The following IQGAP1 variants were observed in gnomAD, a reference collection of about 807,000 sequenced individuals.
IQGAP1 encodes IQ motif containing GTPase activating protein 1, also known as ras GTPase-activating-like protein IQGAP1.
In IQGAP1, 66 loss-of-function variants were observed where a neutral mutation model predicts 215.6. The observed-to-expected ratio is 0.31, with a 90% CI of 0.25 to 0.38. The LOEUF (loss-of-function observed/expected upper bound fraction) is 0.38. IQGAP1 is among the 10% of genes least tolerant of loss of function. The pLI, the probability that IQGAP1 is intolerant of heterozygous loss-of-function variation, is 1.00. For missense variants in IQGAP1, 1,712 were observed against 1,997.1 expected (o/e 0.86, Z 2.72); for synonymous variants, 772 against 728.7 (o/e 1.06, Z -0.96).
At chr15:90,485,980 C>G in intron 30 of IQGAP1, 50 bp from the exon 31 acceptor site, 1 of 1,359,340 alleles carries the variant, frequency 7.4e-7, no homozygotes, top group Non-Finnish European at 1.0e-6. Context: ...TAGGGAGGGA[C>G]GGGCTGAAGA....
At chr15:90,469,851 T>G (rs1965881828) in intron 18 of IQGAP1, among the ~76,000 whole-genome samples, 1 of 152,136 alleles carries the variant, frequency 6.6e-6, no homozygotes, top group Non-Finnish European at 1.5e-5. Flanking sequence ...CACAGAGTAC[T>G]GAAAGGACAT....
chr15:90,489,125 CTTTT>C (rs58123122), intron 33 of IQGAP1, among the ~76,000 whole-genome samples: 5 of 136,184 alleles, frequency 3.7e-5, no homozygotes, highest in Non-Finnish European at 4.8e-5. Flanking sequence ...ACCCTTGTTT[CTTTT>C]TTTTTTTTTT....
At chr15:90,427,672 G>A (rs1166241625) in intron 3 of IQGAP1, among the ~76,000 whole-genome samples, 2 of 152,002 alleles carry the variant, frequency 1.3e-5, no homozygotes, top group African/African-American at 2.4e-5. Flanking sequence ...CCCAGGAGGC[G>A]GGGGTTACAG....
chr15:90,390,261 G>C (rs1964616335), intron 1 of IQGAP1, among the ~76,000 whole-genome samples: 1 of 152,212 alleles, frequency 6.6e-6, no homozygotes. Flanking sequence ...TTGGATTCAG[G>C]CCCTGTCACT....
At chr15:90,420,538 C>G (rs1356355498) in intron 2 of IQGAP1, among the ~76,000 whole-genome samples, 1 of 152,114 alleles carries the variant, frequency 6.6e-6, no homozygotes, top group Non-Finnish European at 1.5e-5. Context: ...CCTGATTTGG[C>G]TGAGATGTTT....
chr15:90,499,873 G>A, intron 37 of IQGAP1, 122 bp from the exon 38 acceptor site: 1 of 635,076 alleles, frequency 1.6e-6, no homozygotes, highest in Non-Finnish European at 2.8e-6. Context: ...GTTCACATCT[G>A]GCACACAAGG....
At chr15:90,435,116 A>T (rs1290959513) in intron 5 of IQGAP1, among the ~76,000 whole-genome samples, 1 of 152,224 alleles carries the variant, frequency 6.6e-6, no homozygotes, top group African/African-American at 2.4e-5. Flanking sequence ...AGTGTGAAAC[A>T]TATGAAAGAA....
At chr15:90,488,570 G>C (rs2151038109) in intron 33 of IQGAP1, among the ~76,000 whole-genome samples, 1 of 152,174 alleles carries the variant, frequency 6.6e-6, no homozygotes. Context: ...GGTCTTGTTG[G>C]GGAAATGTGA....
chr15:90,423,866 C>T (rs1237076149), intron 2 of IQGAP1, among the ~76,000 whole-genome samples: 2 of 152,116 alleles, frequency 1.3e-5, no homozygotes, highest in Non-Finnish European at 2.9e-5. Context: ...GGAGATGTTA[C>T]CATGGGCTCT....
intron 15 of IQGAP1, among the ~76,000 whole-genome samples, chr15:90,457,209 C>G (rs978917448): frequency 6.6e-6 from 1 of 151,856 alleles, no homozygotes; most frequent in African/African-American, 2.4e-5. Flanking sequence ...TCATTTCCGT[C>G]CACTTTTGAG....
chr15:90,453,024 C>G (rs1965627813), intron 12 of IQGAP1, 86 bp downstream of exon 12: 2 of 1,557,404 alleles, frequency 1.3e-6, no homozygotes, highest in Non-Finnish European at 8.7e-7. Flanking sequence ...TTAGGTAGAA[C>G]TTTTTTGCAT....
chr15:90,457,591 T>TA (rs1302886514), intron 15 of IQGAP1, among the ~76,000 whole-genome samples: 52 of 114,400 alleles, frequency 4.5e-4, no homozygotes, highest in Admixed American at 2.1e-3. Flanking sequence ...CATGCCTGGC[T>TA]AAAATTTTTT....
intron 15 of IQGAP1, among the ~76,000 whole-genome samples, chr15:90,460,221 T>G (rs747301940): frequency 6.6e-6 from 1 of 152,186 alleles, no homozygotes; most frequent in East Asian, 1.9e-4. Context: ...TGAGGGCCGC[T>G]GGTTGCCCAT....
intron 2 of IQGAP1, among the ~76,000 whole-genome samples, chr15:90,405,384 C>T (rs920963993): frequency 3.9e-5 from 6 of 152,124 alleles, no homozygotes; most frequent in African/African-American, 1.2e-4. Context: ...GTAAAGTTGG[C>T]GTTGAGAAAA....
In IQGAP1 at chr15:90,428,051, G is replaced by T. The variant is rs1219630807; in HGVS notation, c.313-1538G>T. Among the ~76,000 whole-genome samples, 3 of 151,952 alleles carry T rather than the reference G, an allele frequency of 2.0e-5. No homozygotes were observed. In the East Asian group the frequency reaches 5.8e-4, roughly 29 times the overall value. ...ACAAAAAGACTTATATGTTCAGTGG[G>T]TTTTTTTTGTTGTTGGTTGGTTGGT... is the stretch of plus-strand genomic sequence containing the variant. On this transcript the variant is annotated intron_variant, in intron 3 of 37. Transcript: ENST00000268182.
At position 90,499,876 on chromosome 15, in the gene IQGAP1, A is replaced by G. The variant is rs1270805036; in HGVS notation, c.4861-119A>G. On this transcript the variant is annotated intron_variant, in intron 37 of 37. Coordinates refer to ENST00000268182, the MANE Select transcript of IQGAP1 (RefSeq NM_003870.4). ...TCTTTCGCCCCAGTTCACATCTGGCACACAAGGCAGGCCTCAGTCCATCTG... is the reference window on the plus strand; with the variant it reads ...TCTTTCGCCCCAGTTCACATCTGGCGCACAAGGCAGGCCTCAGTCCATCTG... 1.4e-4 allele frequency: 90 copies of G among 649,272 alleles called. 1 individual carries two copies. The highest frequency in any genetic ancestry group is 1.9e-4 in the Non-Finnish European group (71 of 373,154). 40.2% of individuals were successfully genotyped at this position (649,272 alleles called of 1,614,324 possible). A position where few individuals can be genotyped will look rare whatever the true frequency, so the allele number is the denominator to read the frequency against.
At chr15:90,426,030 A>G (rs1965216534) in intron 2 of IQGAP1, 80 bp from the exon 3 acceptor site, 3 of 1,364,764 alleles carry the variant, frequency 2.2e-6, no homozygotes, top group Non-Finnish European at 2.0e-6. Flanking sequence ...TCCAAGGAGA[A>G]TGGAAATAAA....
At chr15:90,477,038 A>G in intron 24 of IQGAP1, 29 bp from the exon 25 acceptor site, 1 of 1,608,250 alleles carries the variant, frequency 6.2e-7, no homozygotes, top group Non-Finnish European at 8.5e-7. Context: ...TATTACCTAC[A>G]AATGACTTAT....
At chr15:90,452,482 A>T (rs1235172962) in intron 11 of IQGAP1, among the ~76,000 whole-genome samples, 1 of 152,210 alleles carries the variant, frequency 6.6e-6, no homozygotes, top group South Asian at 2.1e-4. Flanking sequence ...GGTGGTTTAG[A>T]TGGGAAGTAG....
Sources: allele counts gnomAD v4.1 joint callset (sites outside exome capture counted in the v4.1 genomes callset), GRCh38; gene constraint gnomAD v4.1.1; transcripts MANE v1.5; gene names NCBI Gene and HGNC (gene_info 2026-07-23, HGNC 2026-07-21).